CHMP1A: variants seen among roughly 807,000 people sequenced by gnomAD.
CHMP1A encodes VPS46 homolog A.
CHMP1A carries 17 observed loss-of-function variants against 27.0 expected under a neutral mutation model. The observed-to-expected ratio is 0.63, with a 90% CI of 0.43 to 0.95. The LOEUF is 0.95. Among genes scored for constraint, CHMP1A ranks in the 40% least tolerant of loss-of-function variants. The pLI is 0.00. For missense variants in CHMP1A, 275 were observed against 264.0 expected, an observed-to-expected ratio of 1.04 and a Z score of -0.29; for synonymous variants, 131 against 107.5, an observed-to-expected ratio of 1.22 and a Z score of -1.35.
chr16:89,651,503 A>G, intron 3 of CHMP1A, 66 bp downstream of exon 3: 3 of 1,500,206 alleles, frequency 2.0e-6, no homozygotes, highest in African/African-American at 1.4e-5. Context: ...GGACACAAAA[A>G]TAAGGGCAGA....
intron 5 of CHMP1A, 30 bp from the exon 6 acceptor site, chr16:89,646,744 G>A (rs898421928): frequency 6.9e-6 from 11 of 1,597,484 alleles, no homozygotes; most frequent in Non-Finnish European, 9.4e-6. Flanking sequence ...CTGGACAACA[G>A]GTGGGGCCAG....
intron 3 of CHMP1A, among the ~76,000 whole-genome samples, chr16:89,650,111 C>G (rs966734064): frequency 2.6e-5 from 4 of 152,206 alleles, no homozygotes; most frequent in African/African-American, 9.6e-5. Context: ...TTACCAAAGT[C>G]CAATACGCTG....
At chr16:89,654,501 T>A (rs11647958) in intron 1 of CHMP1A, among the ~76,000 whole-genome samples, 68,270 of 151,918 alleles carry the variant, frequency 0.45, 15,786 homozygotes, top group South Asian at 0.6. Context: ...TGGTAACTCT[T>A]AGACATCAAA....
intron 6 of CHMP1A, 61 bp from the exon 7 acceptor site, chr16:89,646,148 G>C (rs934256622): frequency 6.9e-7 from 1 of 1,456,396 alleles, no homozygotes; most frequent in Non-Finnish European, 9.2e-7. Context: ...ACCACCACGT[G>C]CTCCCAGCAC....
chr16:89,646,932 G>A (rs934600082), intron 5 of CHMP1A: 44 of 773,284 alleles, frequency 5.7e-5, no homozygotes, highest in African/African-American at 2.9e-4. Context: ...CTGCTGCCGC[G>A]GGTGGACATC....
Position 89,649,414 on chromosome 16 carries a change from A to G in CHMP1A, c.189T>C (p.Leu63=). Residue 63 remains leucine, a synonymous_variant, in exon 4 of 7, where the codon CTT becomes CTC. Transcript: ENST00000397901. The part of the protein sequence containing the change: ...IRKKNEGVNW[L]RMASRVDAVA... ...CTGCGTCTACGCGGGACGCCATCCG[A>G]AGCCAGTTCACACCTTCGTTCTTCT... The G allele has an allele frequency of 6.2e-7, 1 of 1,613,752 alleles. No individual in the cohort carries two copies. Among genetic ancestry groups the G allele is most frequent in the Non-Finnish European group, 8.5e-7 (1 of 1,179,878 alleles).
intron 1 of CHMP1A, among the ~76,000 whole-genome samples, chr16:89,654,970 T>TA (rs1568005154): frequency 1.3e-5 from 2 of 151,918 alleles, no homozygotes; most frequent in African/African-American, 4.8e-5. Context: ...ATATTTTTTT[T>TA]AAAAAGTAGG....
At chr16:89,653,020 C>CTTTTT (rs746886149) in intron 2 of CHMP1A, among the ~76,000 whole-genome samples, 8 of 82,186 alleles carry the variant, frequency 9.7e-5, no homozygotes, top group African/African-American at 3.7e-4. Flanking sequence ...TTTTTCTTTT[C>CTTTTT]TTTTTTTTTT....
intron 3 of CHMP1A, 198 bp from the exon 4 acceptor site, chr16:89,649,695 C>T (rs1383430669): frequency 1.3e-5 from 8 of 594,990 alleles, no homozygotes; most frequent in Non-Finnish European, 2.3e-5. Context: ...CCTGCCTCAG[C>T]CTCCCGAGTA....
At chr16:89,646,378 G>A (rs962394917) in intron 6 of CHMP1A, 149 bp downstream of exon 6, 3 of 955,336 alleles carry the variant, frequency 3.1e-6, no homozygotes, top group Non-Finnish European at 4.6e-6. Context: ...GGGGGCGGCT[G>A]CAGCTGGGGC....
intron 3 of CHMP1A, among the ~76,000 whole-genome samples, chr16:89,650,524 C>T (rs1192904321): frequency 8.5e-5 from 13 of 152,234 alleles, no homozygotes; most frequent in African/African-American, 2.6e-4. Flanking sequence ...TGATAGGATC[C>T]GCTGGGCCCA....
intron 6 of CHMP1A, 132 bp from the exon 7 acceptor site, chr16:89,646,219 A>C: frequency 1.2e-6 from 1 of 836,066 alleles, no homozygotes. Flanking sequence ...TTGGAAACAG[A>C]CATGCCCTGT....
At chr16:89,647,536 G>C (rs2059785151) in intron 4 of CHMP1A, among the ~76,000 whole-genome samples, 1 of 147,816 alleles carries the variant, frequency 6.8e-6, no homozygotes, top group African/African-American at 2.6e-5. Flanking sequence ...CCAGTGCGGG[G>C]TCAGTGGAGA....
In CHMP1A at chr16:89,645,845, C is replaced by T. The variant is rs2059769243; in HGVS notation, c.*221G>A. The stretch of plus-strand genomic sequence containing the variant: ...GGGCCCAGAGTCACAGAAATCACCC[C>T]CAGAAATTTGCAGAAACTCAACACC... On this transcript the variant is annotated 3_prime_UTR_variant, in exon 7 of 7. Coordinates refer to ENST00000397901, the MANE Select transcript of CHMP1A (RefSeq NM_002768.5). 6.8e-7 allele frequency: 1 copy of T among 1,470,716 alleles called. No homozygotes were observed. Among genetic ancestry groups the T allele is most frequent in the Non-Finnish European group, 9.1e-7 (1 of 1,094,562 alleles). The allele number at this position is 1,470,716 out of a possible 1,614,324, so 91.1% of individuals were successfully genotyped here.
Position 89,646,521 on chromosome 16 carries a change from C to A in CHMP1A, c.569+6G>T, listed in dbSNP as rs1168687967. 10 of 1,571,426 alleles carry A rather than the reference C, an allele frequency of 6.4e-6. No homozygotes were observed. The East Asian group carries it at 7.0e-5, about 11-fold the overall frequency. ...GGTGACACAGCGTTTCGGGGACCGACCCTACCTCCGTGACAGCTGGTCCTC... is the reference window on the plus strand; with the variant it reads ...GGTGACACAGCGTTTCGGGGACCGAACCTACCTCCGTGACAGCTGGTCCTC... On this transcript the variant is annotated splice_donor_region_variant and intron_variant, in intron 6 of 6. Coordinates refer to ENST00000397901, the MANE Select transcript of CHMP1A (RefSeq NM_002768.5).
chr16:89,645,498 T>A lies in CHMP1A; in HGVS notation c.*568A>T, dbSNP rs1035834776. ...CAGGAGGCCAGGGGGCTCAGCCAGC[T>A]GGTAGGGGCGGCCGAGACACCACCC... On this transcript the variant is annotated 3_prime_UTR_variant, in exon 7 of 7. Transcript: ENST00000397901. 1.8e-5 allele frequency: 3 copies of A among 168,060 alleles called. No individual in the cohort carries two copies. Among genetic ancestry groups the A allele is most frequent in the Non-Finnish European group, 3.9e-5 (3 of 76,822 alleles). The allele number at this position is 168,060 out of a possible 1,614,324, so 10.4% of individuals were successfully genotyped here. A position where few individuals can be genotyped will look rare whatever the true frequency, so the allele number is the denominator to read the frequency against.
At chr16:89,655,340 T>A (rs2059855909) in intron 1 of CHMP1A, among the ~76,000 whole-genome samples, 1 of 146,270 alleles carries the variant, frequency 6.8e-6, no homozygotes. Context: ...CACTGTGGGA[T>A]GCTGGCCAAA....
At position 89,645,605 on chromosome 16, in the gene CHMP1A, T is replaced by TTAAA; in HGVS notation, c.*460_*461insTTTA. 7 of 273,880 alleles carry TTAAA rather than the reference T, an allele frequency of 2.6e-5. No individual in the cohort carries two copies. The highest frequency in any genetic ancestry group is 6.4e-5 in the South Asian group (2 of 31,260). The allele number at this position is 273,880 out of a possible 1,614,324, so 17.0% of individuals were successfully genotyped here. A position where few individuals can be genotyped will look rare whatever the true frequency, so the allele number is the denominator to read the frequency against. On this transcript the variant is annotated 3_prime_UTR_variant, in exon 7 of 7. Coordinates refer to ENST00000397901, the MANE Select transcript of CHMP1A (RefSeq NM_002768.5). ...GGCACCTGACATCCCCCAGCACACA[T>TTAAA]AGACCTGTGGTGCCTCCTTGGGCTA...
intron 3 of CHMP1A, among the ~76,000 whole-genome samples, chr16:89,649,972 G>T (rs758309061): frequency 2.0e-5 from 3 of 152,024 alleles, no homozygotes; most frequent in Non-Finnish European, 2.9e-5. Flanking sequence ...CCCCCAAGCA[G>T]GCTTCTGCTT....
Sources: gnomAD v4.1 joint callset for allele counts (sites outside exome capture counted in the v4.1 genomes callset) on GRCh38, gnomAD v4.1.1 for gene constraint, MANE v1.5 for transcripts, NCBI Gene and HGNC (gene_info 2026-07-23, HGNC 2026-07-21) for gene names.